PTPRD: variants seen among roughly 807,000 people sequenced by gnomAD.
PTPRD encodes the protein protein tyrosine phosphatase receptor type D.
Under a neutral mutation model 214.5 loss-of-function variants are expected in PTPRD, and 34 were observed. The ratio of observed to expected loss-of-function variants is 0.16; its 90% CI spans 0.12 to 0.21. The LOEUF (loss-of-function observed/expected upper bound fraction) is 0.21. Ranked by LOEUF, PTPRD falls within the 10% of genes least tolerant of loss-of-function variation. The pLI, the probability that PTPRD is intolerant of heterozygous loss-of-function variation, is 1.00. For synonymous variants in PTPRD, 1,128 were observed against 845.7 expected (o/e 1.33, Z -5.79); for missense variants, 2,545 against 2,398.7 (o/e 1.06, Z -1.27).
intron 11 of PTPRD, among the ~76,000 whole-genome samples, chr9:8,791,115 T>C (rs946999016): frequency 2.0e-4 from 31 of 152,084 alleles, no homozygotes; most frequent in African/African-American, 5.6e-4. Flanking sequence ...CAGAAGAAAG[T>C]AGAATCCTCA....
intron 9 of PTPRD, among the ~76,000 whole-genome samples, chr9:9,220,174 T>A (rs561255193): frequency 6.6e-6 from 1 of 152,086 alleles, no homozygotes; most frequent in African/African-American, 2.4e-5. Context: ...CCTAAACTCA[T>A]GCCTGTGACA....
intron 5 of PTPRD, among the ~76,000 whole-genome samples, chr9:9,843,960 G>C (rs1332484898): frequency 6.6e-6 from 1 of 151,788 alleles, no homozygotes; most frequent in Admixed American, 6.6e-5. Context: ...TACATTTAAT[G>C]GTTTTAATTA....
chr9:10,062,123 C>G (rs1382560406), intron 3 of PTPRD, among the ~76,000 whole-genome samples: 1 of 152,044 alleles, frequency 6.6e-6, no homozygotes, highest in Non-Finnish European at 1.5e-5. Context: ...ACTCAACTCA[C>G]TAATGAGGAG....
intron 11 of PTPRD, among the ~76,000 whole-genome samples, chr9:8,742,370 C>T (rs918958441): frequency 7.9e-5 from 12 of 152,044 alleles, no homozygotes; most frequent in Admixed American, 5.2e-4. Context: ...ATAATGAGAA[C>T]ATTTTACATG....
Position 9,155,916 on chromosome 9 carries a change from A to C in PTPRD, c.-143+27388T>G, listed in dbSNP as rs76408941. Among the ~76,000 whole-genome samples the C allele has an allele frequency of 2.3e-3, 351 of 152,242 alleles. 1 individual carries two copies. Among genetic ancestry groups the C allele is most frequent in the Non-Finnish European group, 3.3e-3 (226 of 68,006 alleles). ...CACTCATTTCCCTGGAGCCTGCTTTATTTCTTTCCTGCTTTAGCTTCCTTG... is the reference window on the plus strand; with the variant it reads ...CACTCATTTCCCTGGAGCCTGCTTTCTTTCTTTCCTGCTTTAGCTTCCTTG... On this transcript the variant is annotated intron_variant, in intron 10 of 45. Transcript: ENST00000381196.
At chr9:9,787,850 C>T (rs892586524) in intron 5 of PTPRD, among the ~76,000 whole-genome samples, 20 of 151,734 alleles carry the variant, frequency 1.3e-4, no homozygotes, top group African/African-American at 4.8e-5. Context: ...GGCGTGATCT[C>T]GGCTCACTGC....
In PTPRD at chr9:8,463,453, T is replaced by C. The variant is rs932765990; in HGVS notation, c.3714+2013A>G. Among the ~76,000 whole-genome samples, 9 of 151,904 alleles carry C rather than the reference T, an allele frequency of 5.9e-5. No individual in the cohort carries two copies. The East Asian group carries it at 1.7e-3, about 29-fold the overall frequency. On this transcript the variant is annotated intron_variant, in intron 32 of 45. Transcript: ENST00000381196. ...TTTACCCACTCCATTTTGTAGGTGA[T>C]GTTAAAACAGTTTCATAGACAGAAC...
intron 9 of PTPRD, among the ~76,000 whole-genome samples, chr9:9,260,423 C>T (rs2099979582): frequency 6.6e-6 from 1 of 151,798 alleles, no homozygotes; most frequent in Non-Finnish European, 1.5e-5. Flanking sequence ...CTTCTTTTAC[C>T]TTTGCTTGAG....
At chr9:8,771,363 C>T (rs2154485229) in intron 11 of PTPRD, among the ~76,000 whole-genome samples, 1 of 152,248 alleles carries the variant, frequency 6.6e-6, no homozygotes, top group Non-Finnish European at 1.5e-5. Flanking sequence ...TATCACTGTA[C>T]TTTTAAAAAT....
intron 2 of PTPRD, among the ~76,000 whole-genome samples, chr9:10,578,912 T>G (rs2070637690): frequency 6.6e-6 from 1 of 152,160 alleles, no homozygotes; most frequent in Non-Finnish European, 1.5e-5. Context: ...TATTTTTATT[T>G]TATTTTATTT....
In PTPRD at chr9:10,327,636, T is replaced by C. The variant is rs10959046; in HGVS notation, c.-545+13327A>G. On this transcript the variant is annotated intron_variant, in intron 3 of 45. Coordinates refer to ENST00000381196, the MANE Select transcript of PTPRD (RefSeq NM_002839.4). ...ATATTAAAACATTTCTTAGACAAGTTTGAAGGAAAAGAAATGCATTTCAGT... is the reference window on the plus strand; with the variant it reads ...ATATTAAAACATTTCTTAGACAAGTCTGAAGGAAAAGAAATGCATTTCAGT... Among the ~76,000 whole-genome samples the C allele has an allele frequency of 9.1e-3, 1,389 of 151,828 alleles. 6 individuals carry two copies. The highest frequency in any genetic ancestry group is 0.015 in the Non-Finnish European group (1,012 of 67,774).
intron 31 of PTPRD, among the ~76,000 whole-genome samples, chr9:8,469,631 A>G (rs1459025056): frequency 2.6e-5 from 4 of 152,224 alleles, no homozygotes; most frequent in South Asian, 4.1e-4. Context: ...TATTTTCTGA[A>G]TATCACAGAA....
At chr9:10,034,407 CTTTTTTTTTTTT>C (rs56827836) in intron 3 of PTPRD, among the ~76,000 whole-genome samples, 2 of 89,542 alleles carry the variant, frequency 2.2e-5, no homozygotes, top group Non-Finnish European at 2.1e-5. Flanking sequence ...CCTGGCTCTA[CTTTTTTTTTTTT>C]TTTTTTTTTT....
chr9:9,135,952 GTTA>G (rs1312784642), intron 10 of PTPRD, among the ~76,000 whole-genome samples: 2 of 151,532 alleles, frequency 1.3e-5, no homozygotes, highest in Non-Finnish European at 2.9e-5. Context: ...ACAATAAAAC[GTTA>G]TTTTTTCATG....
intron 5 of PTPRD, among the ~76,000 whole-genome samples, chr9:9,789,480 T>C (rs947933892): frequency 6.6e-6 from 1 of 152,086 alleles, no homozygotes; most frequent in African/African-American, 2.4e-5. Flanking sequence ...GGGGAGATAA[T>C]CGACATATTC....
rs970573014 is a variant in PTPRD, at chr9:9,254,596, A to T, written c.-202-71233T>A. On this transcript the variant is annotated intron_variant, in intron 9 of 45. Coordinates refer to ENST00000381196, the MANE Select transcript of PTPRD (RefSeq NM_002839.4). ...GTTAATAATATATCTTTCAATAGTG[A>T]AAAGAAAGAATCCCAAAGATGAAGA... Among the ~76,000 whole-genome samples, 10 of 152,178 alleles carry T rather than the reference A, an allele frequency of 6.6e-5. No individual in the cohort carries two copies. In the East Asian group the frequency reaches 1.2e-3, roughly 18 times the overall value.
chr9:10,123,920 T>C (rs529014152), intron 3 of PTPRD, among the ~76,000 whole-genome samples: 1 of 152,212 alleles, frequency 6.6e-6, no homozygotes, highest in East Asian at 1.9e-4. Context: ...GACTTAATGA[T>C]ATTGATATTC....
At chr9:10,354,770 T>C (rs16925863) in intron 2 of PTPRD, among the ~76,000 whole-genome samples, 20,231 of 152,068 alleles carry the variant, frequency 0.13, 2,931 homozygotes, top group African/African-American at 0.36. Context: ...TTCATGTCAT[T>C]TTTTACTGTG....
chr9:9,421,984 T>C (rs1161300744), intron 8 of PTPRD, among the ~76,000 whole-genome samples: 1 of 150,342 alleles, frequency 6.7e-6, no homozygotes, highest in Non-Finnish European at 1.5e-5. Flanking sequence ...GTGACACCAG[T>C]ATTGAAAAAA....
Sources: gnomAD v4.1 joint callset for allele counts (sites outside exome capture counted in the v4.1 genomes callset) on GRCh38, gnomAD v4.1.1 for gene constraint, MANE v1.5 for transcripts, NCBI Gene and HGNC (gene_info 2026-07-23, HGNC 2026-07-21) for gene names.